LOC400499: variants seen among roughly 807,000 people sequenced by gnomAD.
the LOC400499 span, chr16:11,407,447 A>G: frequency 2.5e-6 from 1 of 395,912 alleles, no homozygotes. Context: ...TCTGCCTCCC[A>G]AAGTCCCAGG....
chr16:11,453,040 C>A, the LOC400499 span, among the ~76,000 whole-genome samples: 2 of 152,130 alleles, frequency 1.3e-5, no homozygotes, highest in East Asian at 3.8e-4. Flanking sequence ...CTCCTGGGAT[C>A]CTTTTTACGG....
chr16:11,439,291 T>C, the LOC400499 span, among the ~76,000 whole-genome samples: 1 of 152,134 alleles, frequency 6.6e-6, no homozygotes, highest in Non-Finnish European at 1.5e-5. Flanking sequence ...CACTTCCAAA[T>C]GATGGATGTG....
chr16:11,498,694 A>C, the LOC400499 span, among the ~76,000 whole-genome samples: 2 of 151,666 alleles, frequency 1.3e-5, no homozygotes, highest in Non-Finnish European at 2.9e-5. Flanking sequence ...AATACAGCCC[A>C]GAGAGGCATG....
chr16:11,383,100 C>G, the LOC400499 span, among the ~76,000 whole-genome samples: 2 of 150,396 alleles, frequency 1.3e-5, no homozygotes, highest in Admixed American at 1.3e-4. Flanking sequence ...GAGTCTCACT[C>G]TGTTGCCCAG....
the LOC400499 span, among the ~76,000 whole-genome samples, chr16:11,452,201 G>GTTTTTTTTTTTTT: frequency 3.9e-5 from 3 of 77,198 alleles, no homozygotes; most frequent in Non-Finnish European, 3.1e-5. Flanking sequence ...CAGTTTTTTT[G>GTTTTTTTTTTTTT]TTTGTTTTTT....
the LOC400499 span, among the ~76,000 whole-genome samples, chr16:11,475,349 A>G: frequency 6.6e-6 from 1 of 152,204 alleles, no homozygotes; most frequent in East Asian, 1.9e-4. Context: ...AAATAAACAA[A>G]TAAATAAATA....
At chr16:11,516,997 G>C in the LOC400499 span, among the ~76,000 whole-genome samples, 2 of 152,122 alleles carry the variant, frequency 1.3e-5, no homozygotes, top group African/African-American at 4.8e-5. Flanking sequence ...CAGCAAATAC[G>C]GGGAGAGGCT....
chr16:11,431,133 G>T, the LOC400499 span: 1 of 399,098 alleles, frequency 2.5e-6, no homozygotes, highest in Admixed American at 4.4e-5. Flanking sequence ...TTTGGCTCTG[G>T]AAAGTCAGGA....
the LOC400499 span, among the ~76,000 whole-genome samples, chr16:11,388,684 C>T: frequency 6.6e-6 from 1 of 152,170 alleles, no homozygotes; most frequent in Non-Finnish European, 1.5e-5. Context: ...CTTCCTAGGT[C>T]AGAGCAGAAG....
the LOC400499 span, among the ~76,000 whole-genome samples, chr16:11,476,052 T>C: frequency 2.0e-5 from 3 of 152,114 alleles, no homozygotes; most frequent in Admixed American, 6.5e-5. Context: ...GAAGGAGCTA[T>C]TGTTCCAGAC....
the LOC400499 span, among the ~76,000 whole-genome samples, chr16:11,491,123 A>G: frequency 6.8e-6 from 1 of 146,050 alleles, no homozygotes; most frequent in East Asian, 2.6e-4. Flanking sequence ...GAGGCTCACA[A>G]AGGTTTACTT....
At chr16:11,418,519 G>A in the LOC400499 span, among the ~76,000 whole-genome samples, 2 of 152,212 alleles carry the variant, frequency 1.3e-5, no homozygotes, top group Admixed American at 1.3e-4. Flanking sequence ...ATGTCAGGAA[G>A]TTGCCCTATA....
chr16:11,384,339 G>T, the LOC400499 span: 1 of 1,222,926 alleles, frequency 8.2e-7, no homozygotes, highest in Non-Finnish European at 1.0e-6. Context: ...TGGGGAAGAG[G>T]GAAGCGGAGG....
the LOC400499 span, chr16:11,401,945 C>A: frequency 2.0e-5 from 8 of 398,632 alleles, no homozygotes; most frequent in African/African-American, 1.4e-4. Context: ...AGATAAGGCT[C>A]CTCAGGCAGG....
the LOC400499 span, among the ~76,000 whole-genome samples, chr16:11,411,855 CTTT>C: frequency 6.9e-6 from 1 of 144,300 alleles, no homozygotes. Context: ...TTCTCTTTTT[CTTT>C]TTTTTTTTTT....
At chr16:11,505,147 TAA>T in the LOC400499 span, among the ~76,000 whole-genome samples, 1,233 of 135,638 alleles carry the variant, frequency 9.1e-3, 17 homozygotes, top group African/African-American at 0.032. Context: ...TGCAATGGCT[TAA>T]AAAAAAAAAA....
At chr16:11,507,113 G>T in the LOC400499 span, among the ~76,000 whole-genome samples, 1 of 152,206 alleles carries the variant, frequency 6.6e-6, no homozygotes, top group Non-Finnish European at 1.5e-5. Context: ...CCTGCCAGGG[G>T]AAATGTCCAG....
At chr16:11,428,974 G>A in the LOC400499 span, among the ~76,000 whole-genome samples, 1 of 152,222 alleles carries the variant, frequency 6.6e-6, no homozygotes, top group South Asian at 2.1e-4. Context: ...GGACTCCCAC[G>A]GGGCAAATCT....
the LOC400499 span, among the ~76,000 whole-genome samples, chr16:11,466,545 T>C: frequency 6.6e-6 from 1 of 151,898 alleles, no homozygotes; most frequent in Admixed American, 6.6e-5. Flanking sequence ...CCTGCCACCA[T>C]ACCCGGCTAC....
Sources: gnomAD v4.1 joint callset for allele counts (sites outside exome capture counted in the v4.1 genomes callset) on GRCh38, gnomAD v4.1.1 for gene constraint, MANE v1.5 for transcripts.